SLC22A24: variants seen among roughly 807,000 people sequenced by gnomAD.
The protein encoded by SLC22A24 is steroid transmembrane transporter SLC22A24.
Under a neutral mutation model 49.8 loss-of-function variants are expected in SLC22A24, and 53 were observed. The ratio of observed to expected loss-of-function variants is 1.06; its 90% confidence interval spans 0.85 to 1.34. SLC22A24 has a LOEUF of 1.34. SLC22A24 is among the 40% of genes most tolerant of loss of function. SLC22A24 has a pLI of 0.00. For synonymous variants in SLC22A24, 302 were observed against 256.4 expected (o/e 1.18, Z -1.70); for missense variants, 786 against 675.9 (o/e 1.16, Z -1.81).
chr11:63,142,511 A>G (rs1166336533), intron 1 of SLC22A24, among the ~76,000 whole-genome samples: 1 of 152,226 alleles, frequency 6.6e-6, no homozygotes, highest in African/African-American at 2.4e-5. Flanking sequence ...GAACAAAGAC[A>G]GCCTTTCCCA....
chr11:63,119,043 T>A lies in SLC22A24; in HGVS notation c.699A>T (p.Thr233=), dbSNP rs1269415922. 6.4e-7 allele frequency: 1 copy of A among 1,551,282 alleles called. No homozygotes were observed. Among genetic ancestry groups the A allele is most frequent in the Admixed American group, 2.0e-5 (1 of 50,986 alleles). Reference sequence around the variant, plus strand: ...TGTAGGAACATAATAGCACCATTATTGTCATAGATCGTGACCGGGGCAATG... The same window carrying A: ...TGTAGGAACATAATAGCACCATTATAGTCATAGATCGTGACCGGGGCAATG... The part of the protein sequence containing the change: ...EWTLPRSRSM[T]IMVLLCSYSV... Residue 233 remains threonine, a synonymous_variant, in exon 4 of 10, where the codon ACA becomes ACT. Transcript: ENST00000612278.
intron 6 of SLC22A24, among the ~76,000 whole-genome samples, chr11:63,091,918 A>G (rs960841122): frequency 1.6e-4 from 25 of 152,308 alleles, no homozygotes; most frequent in African/African-American, 5.8e-4. Flanking sequence ...GCAATCATGC[A>G]TGAGAAAGAA....
chr11:63,096,053 G>A lies in SLC22A24; in HGVS notation c.1008C>T (p.Ser336=). ...TGGGTGCACGGAACAGGGAAAAAAT[G>A]GATGTTTTAATTCGGACTGCATCCA... ...KELDAVRIKT[S]IFSLFRAPKL... The change falls in exon 6 of 10, where the codon TCC becomes TCT. Residue 336 remains serine (S), a synonymous_variant. Transcript: ENST00000612278. The A allele has an allele frequency of 2.6e-6, 4 of 1,550,920 alleles. No individual in the cohort carries two copies. The South Asian group carries it at 3.6e-5, about 14-fold the overall frequency.
chr11:63,112,262 A>T (rs959549622), intron 4 of SLC22A24, among the ~76,000 whole-genome samples: 1 of 152,122 alleles, frequency 6.6e-6, no homozygotes, highest in African/African-American at 2.4e-5. Context: ...GGAGAGCTTT[A>T]CTTCCAACTA....
intron 9 of SLC22A24, 146 bp downstream of exon 9, chr11:63,080,774 T>G (rs1565320904): frequency 1.5e-6 from 1 of 672,308 alleles, no homozygotes; most frequent in East Asian, 2.7e-5. Flanking sequence ...GCTACTGAAC[T>G]AAAGGACATG....
intron 4 of SLC22A24, among the ~76,000 whole-genome samples, chr11:63,108,247 C>T (rs1289724494): frequency 6.6e-6 from 1 of 152,096 alleles, no homozygotes; most frequent in Admixed American, 6.6e-5. Flanking sequence ...TATTGATTTG[C>T]ATATGCCGAA....
At chr11:63,126,477 G>A (rs1184828096) in intron 2 of SLC22A24, among the ~76,000 whole-genome samples, 1 of 152,082 alleles carries the variant, frequency 6.6e-6, no homozygotes, top group Non-Finnish European at 1.5e-5. Flanking sequence ...GTAGATGTGT[G>A]GTGTTATTTC....
intron 1 of SLC22A24, among the ~76,000 whole-genome samples, chr11:63,137,251 A>C (rs2087381910): frequency 6.6e-6 from 1 of 152,146 alleles, no homozygotes; most frequent in African/African-American, 2.4e-5. Flanking sequence ...TGGAGAATAG[A>C]AGGATAGTTT....
rs557608871 is a variant in SLC22A24, at chr11:63,125,386, T to C, written c.507-6051A>G. Among the ~76,000 whole-genome samples the C allele has an allele frequency of 1.8e-4, 27 of 152,202 alleles. No individual in the cohort carries two copies. The South Asian group carries it at 5.6e-3, about 32-fold the overall frequency. On this transcript the variant is annotated intron_variant, in intron 2 of 9. Transcript: ENST00000612278. ...TGTGTTCTCATTGTTCAACTCCCACTTCTGAGTGAGAACATGCAGTGTTTA... is the reference window on the plus strand; with the variant it reads ...TGTGTTCTCATTGTTCAACTCCCACCTCTGAGTGAGAACATGCAGTGTTTA...
chr11:63,115,464 G>C (rs1017930782), intron 4 of SLC22A24, among the ~76,000 whole-genome samples: 1 of 152,200 alleles, frequency 6.6e-6, no homozygotes, highest in African/African-American at 2.4e-5. Context: ...TCCAGGTACA[G>C]TCTGTCATGG....
In SLC22A24 at chr11:63,096,112, G is replaced by T. The variant is rs749655844; in HGVS notation, c.955-6C>A. 1 of 1,528,746 alleles carries T rather than the reference G, an allele frequency of 6.5e-7. No homozygotes were observed. The allele number at this position is 1,528,746 out of a possible 1,614,324, so 94.7% of individuals were successfully genotyped here. On this transcript the variant is annotated splice_polypyrimidine_tract_variant and splice_region_variant and intron_variant, in intron 5 of 9. Transcript: ENST00000612278. ...TTCATGGTGGATCTCACAAGCTTCA[G>T]CAACAAAAATAACAACAAGCATTTG...
At position 63,132,208 on chromosome 11, in the gene SLC22A24, C is replaced by G. The variant is rs1443607842; in HGVS notation, c.506+2457G>C. On this transcript the variant is annotated intron_variant, in intron 2 of 9. Transcript: ENST00000612278. ...ACCTTTTTTCAAGGTTTTTAGCTTC[C>G]TTGAAATGGGTTAGAACATGCTTCT... is the stretch of plus-strand genomic sequence containing the variant. Among the ~76,000 whole-genome samples the G allele has an allele frequency of 2.6e-5, 4 of 152,100 alleles. No homozygotes were observed. In the East Asian group the frequency reaches 7.7e-4, roughly 29 times the overall value.
intron 3 of SLC22A24, 26 bp from the exon 4 acceptor site, chr11:63,119,106 T>G: frequency 6.5e-7 from 1 of 1,531,542 alleles, no homozygotes; most frequent in Non-Finnish European, 8.8e-7. Context: ...TACATAGTAA[T>G]AATTTTAGAC....
intron 4 of SLC22A24, 72 bp from the exon 5 acceptor site, chr11:63,104,370 C>T: frequency 1.4e-6 from 2 of 1,438,314 alleles, no homozygotes; most frequent in South Asian, 1.4e-5. Flanking sequence ...CATGAAATTC[C>T]TTTCCCCTTT....
chr11:63,138,624 A>G (rs1176507938), intron 1 of SLC22A24, among the ~76,000 whole-genome samples: 4 of 127,136 alleles, frequency 3.1e-5, no homozygotes, highest in African/African-American at 1.2e-4. Context: ...TCTGGGCAAC[A>G]GAGCAAGACT....
chr11:63,131,373 C>G (rs980533680), intron 2 of SLC22A24, among the ~76,000 whole-genome samples: 20 of 152,080 alleles, frequency 1.3e-4, no homozygotes, highest in African/African-American at 4.8e-4. Context: ...TTCATAGTGT[C>G]AATGGTCTTT....
chr11:63,083,349 T>C lies in SLC22A24; in HGVS notation c.1179A>G (p.Arg393=), dbSNP rs2086970602. 7 of 1,554,012 alleles carry C rather than the reference T, an allele frequency of 4.5e-6. No individual in the cohort carries two copies. Among genetic ancestry groups the C allele is most frequent in the Non-Finnish European group, 6.1e-6 (7 of 1,148,018 alleles). Residue 393 remains arginine (R), a synonymous_variant, in exon 7 of 10, where the codon AGA becomes AGG. Transcript: ENST00000612278. ...GATTCAGTGTCAAAAGGGAAACACA[T>C]CTGGCTGTGAATGTGACAGCTCCAC... ...ILCGAVTFTA[R]CVSLLTLNHM... is the part of the protein sequence containing the mutation.
chr11:63,084,329 G>A (rs1013782914), intron 6 of SLC22A24, among the ~76,000 whole-genome samples: 2 of 152,116 alleles, frequency 1.3e-5, no homozygotes, highest in Non-Finnish European at 2.9e-5. Context: ...AAATAAGGTA[G>A]GGATGCCTGT....
intron 1 of SLC22A24, among the ~76,000 whole-genome samples, chr11:63,142,829 C>A (rs1310536711): frequency 6.6e-6 from 1 of 152,100 alleles, no homozygotes; most frequent in Non-Finnish European, 1.5e-5. Flanking sequence ...GGCTGCCCCC[C>A]AACCACCAAG....
Sources: allele counts gnomAD v4.1 joint callset (sites outside exome capture counted in the v4.1 genomes callset), GRCh38; gene constraint gnomAD v4.1.1; transcripts MANE v1.5; gene names NCBI Gene and HGNC (gene_info 2026-07-23, HGNC 2026-07-21).